CDK5: variants seen among roughly 807,000 people sequenced by gnomAD.
The protein encoded by CDK5 is cyclin-dependent kinase 5.
In CDK5, 18 loss-of-function variants were observed where a neutral mutation model predicts 44.6. The ratio of observed to expected loss-of-function variants is 0.40; its 90% CI spans 0.28 to 0.60. The LOEUF (loss-of-function observed/expected upper bound fraction) is 0.60, where lower values mean the gene tolerates loss of function less well. Among genes scored for constraint, CDK5 ranks in the 20% least tolerant of loss-of-function variants. CDK5 has a pLI of 0.38. For missense variants in CDK5, 198 were observed against 368.1 expected (o/e 0.54, Z 3.78); for synonymous variants, 143 against 152.8 (o/e 0.94, Z 0.47).
In CDK5 at chr7:151,055,316, T is replaced by C; in HGVS notation, c.541A>G (p.Thr181Ala). The C allele has an allele frequency of 6.2e-7, 1 of 1,613,930 alleles. No individual in the cohort carries two copies. The highest frequency in any genetic ancestry group is 8.5e-7 in the Non-Finnish European group (1 of 1,179,826). The change falls in exon 8 of 12, where the codon ACG becomes GCG. Residue 181 changes from threonine (T) to alanine (A), a missense_variant. Thr to Ala is a moderately conservative substitution (Grantham distance 58). This residue lies in a region of CDK5 where 38 missense variants were observed against 115.0 expected (regional missense o/e 0.33). Coordinates refer to ENST00000485972, the MANE Select transcript of CDK5 (RefSeq NM_004935.4). ...DVLFGAKLYSTSIDMWSAGCI... is the reference protein window; with the variant it reads ...DVLFGAKLYSASIDMWSAGCI... ...CCGGCTGACCACATGTCGATGGACG[T>C]GGAGTACAGCTTGGCCCCAAAGAGG...
Position 151,054,289 on chromosome 7 carries a change from A to G in CDK5, c.715T>C (p.Tyr239His). 1 of 1,613,708 alleles carries G rather than the reference A, an allele frequency of 6.2e-7. No homozygotes were observed. The highest frequency in any genetic ancestry group is 8.5e-7 in the Non-Finnish European group (1 of 1,179,770). The change falls in exon 11 of 12, where the codon TAT (tyrosine) becomes CAT (histidine). Residue 239 changes from tyrosine (Y) to histidine (H), a missense_variant. This residue lies in a region of CDK5 where 81 missense variants were observed against 102.1 expected (regional missense o/e 0.79). Coordinates refer to ENST00000485972, the MANE Select transcript of CDK5 (RefSeq NM_004935.4). This position sits in a 1 kb window ranked among gnomAD's most constrained non-coding sequence, Gnocchi z 5.7. ...SMTKLPDYKP[Y>H]PMYPATTSLV... ...GATGTTGTGGCCGGGTACATCGGAT[A>G]GGGCTGTGGAGAGGCAGGGAGGGTC...
At position 151,056,571 on chromosome 7, in the gene CDK5, T is replaced by C. The variant is rs781093521; in HGVS notation, c.312+9A>G. The C allele has an allele frequency of 2.6e-5, 42 of 1,609,636 alleles. No individual in the cohort carries two copies. Among genetic ancestry groups the C allele is most frequent in the Non-Finnish European group, 3.0e-5 (35 of 1,177,806 alleles). On this transcript the variant is annotated intron_variant, in intron 5 of 11. Coordinates refer to ENST00000485972, the MANE Select transcript of CDK5 (RefSeq NM_004935.4). This position sits in a 1 kb window ranked among gnomAD's most constrained non-coding sequence, Gnocchi z 4.7. ...AGCCTGAGGGGTCCCCCAACACCACTCTCCTCACCTTTACAATCTCAGGAT... is the reference window on the plus strand; with the variant it reads ...AGCCTGAGGGGTCCCCCAACACCACCCTCCTCACCTTTACAATCTCAGGAT...
chr7:151,057,179 G>C lies in CDK5; in HGVS notation c.38-19C>G. On this transcript the variant is annotated intron_variant, in intron 1 of 11. Transcript: ENST00000485972. The surrounding 1 kb of genome is among the most constrained non-coding windows in gnomAD (Gnocchi z 5.2). ...TAGGTGCCTAGGGGAAGGAGGTCAG[G>C]GGTCAGGGTGAGGATGCGGCACTCT... 1 of 1,597,142 alleles carries C rather than the reference G, an allele frequency of 6.3e-7. No individual in the cohort carries two copies. Among genetic ancestry groups the C allele is most frequent in the Non-Finnish European group, 8.6e-7 (1 of 1,164,530 alleles).
Position 151,055,086 on chromosome 7 carries a change from A to G in CDK5, c.591T>C (p.Asn197=), listed in dbSNP as rs1796868116. Residue 197 remains asparagine, a synonymous_variant, in exon 9 of 12, where the codon AAT becomes AAC. Transcript: ENST00000485972. ...SAGCIFAELA[N]AGRPLFPGND... The stretch of plus-strand genomic sequence containing the variant: ...TGCCGGGAAAAAGAGGCCGCCCAGC[A>G]TTGGCCAGCTCTGGGGGATAGACAG... 4 of 1,613,000 alleles carry G rather than the reference A, an allele frequency of 2.5e-6. No individual in the cohort carries two copies. Among genetic ancestry groups the G allele is most frequent in the Middle Eastern group, 1.7e-4 (1 of 6,056 alleles).
rs779195540 is a variant in CDK5, at chr7:151,057,191, G to A, written c.38-31C>T. 6 of 1,536,258 alleles carry A rather than the reference G, an allele frequency of 3.9e-6. 1 individual carries two copies. In the South Asian group the frequency reaches 6.7e-5, roughly 17 times the overall value. On this transcript the variant is annotated intron_variant, in intron 1 of 11. Coordinates refer to ENST00000485972, the MANE Select transcript of CDK5 (RefSeq NM_004935.4). This position sits in a 1 kb window ranked among gnomAD's most constrained non-coding sequence, Gnocchi z 5.2. ...GGAAGGAGGTCAGGGGTCAGGGTGA[G>A]GATGCGGCACTCTTCCCTAAGCCAG...
In CDK5 at chr7:151,056,842, G is replaced by A. The variant is rs1201220561; in HGVS notation, c.195-46C>T. ...AGCCAGGCAGGTCCGCCTGACAGACGTCCAGTGTCAGCCCCCGCCTCCCCC... is the reference window on the plus strand; with the variant it reads ...AGCCAGGCAGGTCCGCCTGACAGACATCCAGTGTCAGCCCCCGCCTCCCCC... On this transcript the variant is annotated intron_variant, in intron 3 of 11. Coordinates refer to ENST00000485972, the MANE Select transcript of CDK5 (RefSeq NM_004935.4). This position sits in a 1 kb window ranked among gnomAD's most constrained non-coding sequence, Gnocchi z 4.7. The A allele has an allele frequency of 2.5e-6, 4 of 1,597,116 alleles. No individual in the cohort carries two copies. The highest frequency in any genetic ancestry group is 2.2e-5 in the South Asian group (2 of 89,250).
rs907230295 is a variant in CDK5, at chr7:151,055,372, A to G, written c.485T>C (p.Val162Ala). The change falls in exon 8 of 12, where the codon GTG (valine) becomes GCG (alanine). Residue 162 changes from valine (V) to alanine (A), a missense_variant and splice_region_variant. Around this residue, in one of 4 missense-constraint regions of CDK5, gnomAD observed 38 missense variants for 115.0 expected, o/e 0.33. Coordinates refer to ENST00000485972, the MANE Select transcript of CDK5 (RefSeq NM_004935.4). ...GIPVRCYSAE[V>A]VTLWYRPPDV... is the part of the protein sequence containing the mutation. ...CGGTGGGCGGTACCACAGTGTGACC[A>G]CCTGGAGGAGACCCCCCCCGAAAGG... 4 of 1,612,240 alleles carry G rather than the reference A, an allele frequency of 2.5e-6. No homozygotes were observed. Among genetic ancestry groups the G allele is most frequent in the Non-Finnish European group, 3.4e-6 (4 of 1,178,546 alleles).
chr7:151,053,846 T>C lies in CDK5; in HGVS notation c.*163A>G, dbSNP rs1411981187. On this transcript the variant is annotated 3_prime_UTR_variant, in exon 12 of 12. Coordinates refer to ENST00000485972, the MANE Select transcript of CDK5 (RefSeq NM_004935.4). ...AAAGGAGCCAATTTATGAAATTAAA[T>C]AAAGTCCACAAAGGGAGTGAGAAAT... The C allele has an allele frequency of 1.6e-6, 1 of 618,138 alleles. No individual in the cohort carries two copies. The highest frequency in any genetic ancestry group is 1.8e-5 in the African/African-American group (1 of 54,144). 38.3% of individuals were successfully genotyped at this position (618,138 alleles called of 1,614,324 possible). A position where few individuals can be genotyped will look rare whatever the true frequency, so the allele number is the denominator to read the frequency against.
In CDK5 at chr7:151,056,064, C is replaced by A. The variant is rs560344295; in HGVS notation, c.313-216G>T. 4 of 582,166 alleles carry A rather than the reference C, an allele frequency of 6.9e-6. No homozygotes were observed. The highest frequency in any genetic ancestry group is 1.2e-5 in the Non-Finnish European group (4 of 325,724). 36.1% of individuals were successfully genotyped at this position (582,166 alleles called of 1,614,324 possible). ...GTAAAGAAGCTGGCTCTGGTCCCCACCTTCCTGGACCATACAGCCTAATGG... is the reference window on the plus strand; with the variant it reads ...GTAAAGAAGCTGGCTCTGGTCCCCAACTTCCTGGACCATACAGCCTAATGG... On this transcript the variant is annotated intron_variant, in intron 5 of 11. Coordinates refer to ENST00000485972, the MANE Select transcript of CDK5 (RefSeq NM_004935.4). This position sits in a 1 kb window ranked among gnomAD's most constrained non-coding sequence, Gnocchi z 4.7.
chr7:151,055,074 A>G lies in CDK5; in HGVS notation c.603T>C (p.Pro201=), dbSNP rs1443824195. ...CATCGACATCATTGCCGGGAAAAAG[A>G]GGCCGCCCAGCATTGGCCAGCTCTG... The part of the protein sequence containing the change: ...IFAELANAGR[P]LFPGNDVDDQ... Residue 201 remains proline (P), a synonymous_variant, in exon 9 of 12, where the codon CCT becomes CCC. Transcript: ENST00000485972. 12 of 1,613,528 alleles carry G rather than the reference A, an allele frequency of 7.4e-6. No homozygotes were observed. The highest frequency in any genetic ancestry group is 1.0e-5 in the Non-Finnish European group (12 of 1,179,666).
Position 151,055,858 on chromosome 7 carries a change from G to C in CDK5, c.313-10C>G, listed in dbSNP as rs377444178. On this transcript the variant is annotated splice_polypyrimidine_tract_variant and intron_variant, in intron 5 of 11. Transcript: ENST00000485972. Reference sequence around the variant, plus strand: ...GCTGGAAGAGGAATGACTGGGAGGAGAGAGGGAGAAGGGAGTCAGACGCCC... The same window carrying C: ...GCTGGAAGAGGAATGACTGGGAGGACAGAGGGAGAAGGGAGTCAGACGCCC... 1.6e-5 allele frequency: 25 copies of C among 1,588,334 alleles called. No homozygotes were observed. The highest frequency in any genetic ancestry group is 2.2e-5 in the Non-Finnish European group (25 of 1,162,388).
Position 151,054,445 on chromosome 7 carries a change from T to G in CDK5, c.671A>C (p.Glu224Ala). ...RIFRLLGTPT[E>A]EQWPSMTKLP... Reference sequence around the variant, plus strand: ...CTTGGTCATAGAGGGCCACTGCTCCTCGGTGGGCGTCCCCAGCAGTGTGTC... The same window carrying G: ...CTTGGTCATAGAGGGCCACTGCTCCGCGGTGGGCGTCCCCAGCAGTGTGTC... The change falls in exon 10 of 12, where the codon GAG becomes GCG. Residue 224 changes from glutamate (E) to alanine (A), a missense_variant. This residue lies in a region of CDK5 where 81 missense variants were observed against 102.1 expected (regional missense o/e 0.79). Transcript: ENST00000485972. This position sits in a 1 kb window ranked among gnomAD's most constrained non-coding sequence, Gnocchi z 5.7. The G allele has an allele frequency of 6.2e-7, 1 of 1,613,092 alleles. No individual in the cohort carries two copies. Among genetic ancestry groups the G allele is most frequent in the South Asian group, 1.1e-5 (1 of 90,996 alleles).
chr7:151,054,144 A>C lies in CDK5; in HGVS notation c.793-49T>G, dbSNP rs1796847578. The stretch of plus-strand genomic sequence containing the variant: ...GCAGGTTCAGGACAGGTCACTGCCC[A>C]GAGCCCTGCCTTCCTGTAGTCCCAC... On this transcript the variant is annotated intron_variant, in intron 11 of 11. Transcript: ENST00000485972. The surrounding 1 kb of genome is among the most constrained non-coding windows in gnomAD (Gnocchi z 5.7). 1.9e-6 allele frequency: 3 copies of C among 1,588,744 alleles called. No individual in the cohort carries two copies. Among genetic ancestry groups the C allele is most frequent in the Non-Finnish European group, 2.6e-6 (3 of 1,166,448 alleles).
At position 151,057,411 on chromosome 7, in the gene CDK5, C is replaced by T; in HGVS notation, c.38-251G>A. The T allele has an allele frequency of 1.7e-6, 1 of 593,472 alleles. No homozygotes were observed. The highest frequency in any genetic ancestry group is 3.0e-6 in the Non-Finnish European group (1 of 332,778). The allele number at this position is 593,472 out of a possible 1,614,324, so 36.8% of individuals were successfully genotyped here. A position where few individuals can be genotyped will look rare whatever the true frequency, so the allele number is the denominator to read the frequency against. ...AGGGCAAGGATGTCTAAAATGAAGGCGGTGCTCCGGAAGGGTCTGGAAATA... is the reference window on the plus strand; with the variant it reads ...AGGGCAAGGATGTCTAAAATGAAGGTGGTGCTCCGGAAGGGTCTGGAAATA... On this transcript the variant is annotated intron_variant, in intron 1 of 11. Coordinates refer to ENST00000485972, the MANE Select transcript of CDK5 (RefSeq NM_004935.4). The surrounding 1 kb of genome is among the most constrained non-coding windows in gnomAD (Gnocchi z 5.2).
In CDK5 at chr7:151,057,321, G is replaced by A. The variant is rs1796919602; in HGVS notation, c.38-161C>T. On this transcript the variant is annotated intron_variant, in intron 1 of 11. Transcript: ENST00000485972. This position sits in a 1 kb window ranked among gnomAD's most constrained non-coding sequence, Gnocchi z 5.2. ...TTTGTGAGTGAGGATGTGGCAGGTG[G>A]GGAGGGAGGAGAAGGTGCCCACCGA... 5.8e-6 allele frequency: 4 copies of A among 686,562 alleles called. No homozygotes were observed. The South Asian group carries it at 6.5e-5, about 11-fold the overall frequency. 42.5% of individuals were successfully genotyped at this position (686,562 alleles called of 1,614,324 possible). A position where few individuals can be genotyped will look rare whatever the true frequency, so the allele number is the denominator to read the frequency against.
Position 151,054,153 on chromosome 7 carries a change from C to T in CDK5, c.793-58G>A. 1.9e-6 allele frequency: 3 copies of T among 1,589,400 alleles called. No individual in the cohort carries two copies. Among genetic ancestry groups the T allele is most frequent in the Non-Finnish European group, 2.6e-6 (3 of 1,166,618 alleles). ...GGACAGGTCACTGCCCAGAGCCCTG[C>T]CTTCCTGTAGTCCCACTGGGCAAGT... On this transcript the variant is annotated intron_variant, in intron 11 of 11. Transcript: ENST00000485972. This position sits in a 1 kb window ranked among gnomAD's most constrained non-coding sequence, Gnocchi z 5.7.
In CDK5 at chr7:151,057,019, C is replaced by T. The variant is rs781167283; in HGVS notation, c.127-44G>A. On this transcript the variant is annotated intron_variant, in intron 2 of 11. Coordinates refer to ENST00000485972, the MANE Select transcript of CDK5 (RefSeq NM_004935.4). The surrounding 1 kb of genome is among the most constrained non-coding windows in gnomAD (Gnocchi z 5.2). ...CGGTGGGCAGCAGTCAGATCCCACC[C>T]AGCCCAGGCCCTCAAACCCCTCCCC... 5 of 1,613,352 alleles carry T rather than the reference C, an allele frequency of 3.1e-6. No homozygotes were observed. The highest frequency in any genetic ancestry group is 1.6e-4 in the Middle Eastern group (1 of 6,082).
rs368886325 is a variant in CDK5 at position 151,056,587 on chromosome 7, A to G, written c.305T>C (p.Ile102Thr). 2.5e-6 allele frequency: 4 copies of G among 1,611,188 alleles called. No homozygotes were observed. The highest frequency in any genetic ancestry group is 3.4e-6 in the Non-Finnish European group (4 of 1,178,662). The change falls in exon 5 of 12, where the codon ATT becomes ACT. Residue 102 changes from isoleucine to threonine, a missense_variant. Coordinates refer to ENST00000485972, the MANE Select transcript of CDK5 (RefSeq NM_004935.4). The surrounding 1 kb of genome is among the most constrained non-coding windows in gnomAD (Gnocchi z 4.7). ...DSCNGDLDPE[I>T]VKSFLFQLLK... is the part of the protein sequence containing the mutation. ...CAACACCACTCTCCTCACCTTTACA[A>G]TCTCAGGATCGAGGTCACCATTGCA...
chr7:151,054,936 C>A lies in CDK5; in HGVS notation c.650+91G>T. On this transcript the variant is annotated intron_variant, in intron 9 of 11. Coordinates refer to ENST00000485972, the MANE Select transcript of CDK5 (RefSeq NM_004935.4). The surrounding 1 kb of genome is among the most constrained non-coding windows in gnomAD (Gnocchi z 5.7). ...AAGCCCTACAGACCCCATCACCCTACCCCACACCATCACTGCCCTCACCCA... is the reference window on the plus strand; with the variant it reads ...AAGCCCTACAGACCCCATCACCCTAACCCACACCATCACTGCCCTCACCCA... 2 of 1,298,746 alleles carry A rather than the reference C, an allele frequency of 1.5e-6. No individual in the cohort carries two copies. Among genetic ancestry groups the A allele is most frequent in the Non-Finnish European group, 2.2e-6 (2 of 904,390 alleles). The allele number at this position is 1,298,746 out of a possible 1,614,324, so 80.5% of individuals were successfully genotyped here. A position where few individuals can be genotyped will look rare whatever the true frequency, so the allele number is the denominator to read the frequency against.
Sources: allele counts gnomAD v4.1 joint callset, GRCh38; gene constraint gnomAD v4.1.1; regional missense constraint gnomAD v4.1.1; non-coding constraint Gnocchi (gnomAD v3.1); transcripts MANE v1.5; gene names NCBI Gene and HGNC (gene_info 2026-07-23, HGNC 2026-07-21).